Variants in DLG2 observed in about 807,000 individuals in gnomAD.
DLG2 encodes the protein discs large MAGUK scaffold protein 2.
In DLG2, 45 loss-of-function variants were observed where a neutral mutation model predicts 132.5. The observed-to-expected ratio is 0.34, with a 90% CI of 0.27 to 0.44. The LOEUF (loss-of-function observed/expected upper bound fraction) is 0.44. Ranked by LOEUF, DLG2 falls within the 20% of genes least tolerant of loss-of-function variation. The pLI, the probability that DLG2 is intolerant of heterozygous loss-of-function variation, is 1.00. For synonymous variants in DLG2, 424 were observed against 419.6 expected (o/e 1.01, Z -0.13); for missense variants, 1,045 against 1,196.9 (o/e 0.87, Z 1.87).
chr11:84,818,079 C>T (rs2077263715), intron 6 of DLG2, among the ~76,000 whole-genome samples: 1 of 151,980 alleles, frequency 6.6e-6, no homozygotes, highest in African/African-American at 2.4e-5. Context: ...TGATGCCTCA[C>T]AACTCTTGAG....
intron 3 of DLG2, among the ~76,000 whole-genome samples, chr11:85,349,870 A>T (rs971966445): frequency 4.6e-5 from 7 of 151,736 alleles, no homozygotes; most frequent in Admixed American, 3.9e-4. Context: ...TGCAGTAAAC[A>T]TACGTGTGCA....
rs143154972 is a variant in DLG2, at chr11:83,485,825, A to G, written c.2194-1597T>C. ...TAACCATGTTCATTTAGGAAACATT[A>G]AAGTACTGAAATGTTGGTGCTGTCA... On this transcript the variant is annotated intron_variant, in intron 21 of 27. Transcript: ENST00000376104. Among the ~76,000 whole-genome samples the G allele has an allele frequency of 1.7e-3, 266 of 152,280 alleles. 1 individual carries two copies. Among genetic ancestry groups the G allele is most frequent in the African/African-American group, 6.0e-3 (249 of 41,574 alleles).
intron 6 of DLG2, among the ~76,000 whole-genome samples, chr11:84,959,815 T>C (rs1465621404): frequency 6.6e-6 from 1 of 152,058 alleles, no homozygotes; most frequent in Admixed American, 6.6e-5. Context: ...TATAGAAAGA[T>C]ATGAGTTGGA....
At chr11:84,761,565 A>G (rs1434661165) in intron 6 of DLG2, among the ~76,000 whole-genome samples, 1 of 152,190 alleles carries the variant, frequency 6.6e-6, no homozygotes, top group African/African-American at 2.4e-5. Context: ...AAGAACATGG[A>G]AAGACTAGAC....
intron 7 of DLG2, among the ~76,000 whole-genome samples, chr11:84,318,502 C>T (rs1296367549): frequency 6.6e-6 from 1 of 152,140 alleles, no homozygotes; most frequent in Non-Finnish European, 1.5e-5. Flanking sequence ...AGTGGATTGA[C>T]CAGGTGCTGG....
intron 7 of DLG2, among the ~76,000 whole-genome samples, chr11:84,311,344 A>C (rs1487723522): frequency 1.3e-5 from 2 of 152,208 alleles, no homozygotes; most frequent in African/African-American, 2.4e-5. Flanking sequence ...ATTGTGTTCT[A>C]AGTGCCATAC....
In DLG2 at chr11:83,962,899, G is replaced by A. The variant is rs766353037; in HGVS notation, c.1326C>T (p.Asp442=). ...GCATATCTGACCTGGTGTAGTCGTCGTCAACAAGCATGTGCTTTGGAATTG... is the reference window on the plus strand; with the variant it reads ...GCATATCTGACCTGGTGTAGTCGTCATCAACAAGCATGTGCTTTGGAATTG... ...YSPIPKHMLV[D]DDYTRPPEPV... Residue 442 remains aspartate (D), a synonymous_variant, in exon 14 of 28, where the codon GAC becomes GAT. Transcript: ENST00000376104. 6.8e-6 allele frequency: 11 copies of A among 1,612,862 alleles called. No homozygotes were observed. The highest frequency in any genetic ancestry group is 6.7e-5 in the East Asian group (3 of 44,862).
chr11:84,599,818 G>C (rs1249428699), intron 6 of DLG2, among the ~76,000 whole-genome samples: 1 of 151,984 alleles, frequency 6.6e-6, no homozygotes, highest in African/African-American at 2.4e-5. Context: ...GATCGCTTGA[G>C]CCCAGGAGTT....
At chr11:84,512,692 A>G (rs954879727) in intron 7 of DLG2, among the ~76,000 whole-genome samples, 1 of 152,150 alleles carries the variant, frequency 6.6e-6, no homozygotes, top group African/African-American at 2.4e-5. Context: ...TAGAAACTTT[A>G]TAGGCCAAGA....
At chr11:85,515,471 T>A (rs888232095) in intron 3 of DLG2, among the ~76,000 whole-genome samples, 1 of 152,016 alleles carries the variant, frequency 6.6e-6, no homozygotes, top group Non-Finnish European at 1.5e-5. Flanking sequence ...CTTTTCATTT[T>A]GTAAACCTCT....
chr11:84,343,363 A>G (rs115486278), intron 7 of DLG2, among the ~76,000 whole-genome samples: 1,845 of 152,248 alleles, frequency 0.012, 37 homozygotes, highest in African/African-American at 0.042. Flanking sequence ...TATCCCCCCA[A>G]CCTAAGGGAA....
At chr11:85,150,556 T>C (rs2077175800) in intron 5 of DLG2, among the ~76,000 whole-genome samples, 1 of 152,138 alleles carries the variant, frequency 6.6e-6, no homozygotes, top group Non-Finnish European at 1.5e-5. Context: ...TTTTTATCAG[T>C]CTGCCTACTT....
chr11:84,334,008 G>A (rs1042131807), intron 7 of DLG2, among the ~76,000 whole-genome samples: 3 of 152,190 alleles, frequency 2.0e-5, no homozygotes, highest in East Asian at 1.9e-4. Flanking sequence ...GGGCCTGCCT[G>A]TAGAGGGGAG....
chr11:85,168,732 C>CA (rs1282246041), intron 4 of DLG2, among the ~76,000 whole-genome samples: 3 of 151,914 alleles, frequency 2.0e-5, no homozygotes, highest in Admixed American at 6.6e-5. Context: ...AGAAATAGGA[C>CA]AAAAAATATC....
chr11:84,735,573 T>TCC (rs1293695759), intron 6 of DLG2, among the ~76,000 whole-genome samples: 3 of 151,964 alleles, frequency 2.0e-5, no homozygotes, highest in African/African-American at 7.2e-5. Context: ...ATTTTGTTGA[T>TCC]TTTCAAAAAA....
chr11:84,755,813 A>T (rs1380638848), intron 6 of DLG2, among the ~76,000 whole-genome samples: 1 of 152,240 alleles, frequency 6.6e-6, no homozygotes, highest in East Asian at 1.9e-4. Flanking sequence ...CCAATTTTCA[A>T]TATATGCTAG....
chr11:85,050,118 T>TCCCA (rs1555352616), intron 6 of DLG2, among the ~76,000 whole-genome samples: 1 of 136,738 alleles, frequency 7.3e-6, no homozygotes, highest in Non-Finnish European at 1.6e-5. Context: ...CACTGTGTCA[T>TCCCA]CACACACACA....
chr11:84,580,410 T>C (rs972622967), intron 6 of DLG2, among the ~76,000 whole-genome samples: 5 of 152,246 alleles, frequency 3.3e-5, no homozygotes, highest in African/African-American at 1.2e-4. Context: ...CATTACCTCT[T>C]ACACACACTA....
At chr11:84,992,809 G>T (rs1271015534) in intron 6 of DLG2, among the ~76,000 whole-genome samples, 1 of 152,120 alleles carries the variant, frequency 6.6e-6, no homozygotes. Flanking sequence ...CAGATGGGTA[G>T]CTTGCAAAAA....
Sources: gnomAD v4.1 joint callset for allele counts (sites outside exome capture counted in the v4.1 genomes callset) on GRCh38, gnomAD v4.1.1 for gene constraint, MANE v1.5 for transcripts, NCBI Gene and HGNC (gene_info 2026-07-23, HGNC 2026-07-21) for gene names.